The following AGMO variants were observed in gnomAD, a reference collection of about 807,000 sequenced individuals.
AGMO encodes glyceryl-ether monooxygenase.
In AGMO, 75 loss-of-function variants were observed where a neutral mutation model predicts 60.2. That is an observed-to-expected ratio of 1.25 (90% CI 1.03 to 1.51). AGMO has a LOEUF of 1.51. AGMO is among the 40% of genes most tolerant of loss of function. The pLI is 0.00. For missense variants in AGMO, 763 were observed against 525.5 expected, an observed-to-expected ratio of 1.45 and a Z score of -4.42; for synonymous variants, 261 against 177.1, an observed-to-expected ratio of 1.47 and a Z score of -3.76.
intron 3 of AGMO, among the ~76,000 whole-genome samples, chr7:15,507,558 G>A (rs1305604076): frequency 2.0e-5 from 3 of 151,964 alleles, no homozygotes; most frequent in Non-Finnish European, 4.4e-5. Context: ...ACAAGGAAAT[G>A]GAAATGGAAC....
At chr7:15,220,775 G>A (rs900910122) in intron 12 of AGMO, among the ~76,000 whole-genome samples, 2 of 151,884 alleles carry the variant, frequency 1.3e-5, no homozygotes, top group East Asian at 1.9e-4. Context: ...AACAACATAT[G>A]CTATTATTAT....
intron 3 of AGMO, among the ~76,000 whole-genome samples, chr7:15,432,379 T>TATATATAGATATATATATATATAC (rs373845365): frequency 1.5e-5 from 2 of 136,194 alleles, no homozygotes; most frequent in East Asian, 4.2e-4. Context: ...CATATATATA[T>TATATATAGATATATATATATATAC]ACACTATCTG....
chr7:15,242,149 G>A (rs1342247835), intron 12 of AGMO, among the ~76,000 whole-genome samples: 1 of 152,024 alleles, frequency 6.6e-6, no homozygotes, highest in Non-Finnish European at 1.5e-5. Context: ...TTTATCAGTA[G>A]CCTTAGTTTC....
chr7:15,429,044 C>T (rs1313609166), intron 4 of AGMO, among the ~76,000 whole-genome samples: 3 of 152,076 alleles, frequency 2.0e-5, no homozygotes, highest in Non-Finnish European at 4.4e-5. Flanking sequence ...GCTCTGAAGC[C>T]TTAATCCAGT....
chr7:15,227,863 T>TTC (rs1469045747), intron 12 of AGMO, among the ~76,000 whole-genome samples: 12 of 152,236 alleles, frequency 7.9e-5, no homozygotes, highest in Middle Eastern at 3.4e-3. Context: ...TGAACTGGAC[T>TTC]TCTGCCTCTT....
At chr7:15,179,349 C>A in the AGMO span, among the ~76,000 whole-genome samples, 1 of 152,114 alleles carries the variant, frequency 6.6e-6, no homozygotes, top group Non-Finnish European at 1.5e-5. Context: ...CCTGTGAAAT[C>A]AAACAAATTA....
intron 12 of AGMO, among the ~76,000 whole-genome samples, chr7:15,319,094 C>T (rs1197668423): frequency 1.3e-5 from 2 of 151,948 alleles, no homozygotes; most frequent in African/African-American, 4.8e-5. Context: ...TTTGTTCTAC[C>T]TTTGTCTTAT....
chr7:15,255,133 C>CCA (rs1057373520), intron 12 of AGMO, among the ~76,000 whole-genome samples: 1 of 151,994 alleles, frequency 6.6e-6, no homozygotes, highest in African/African-American at 2.4e-5. Flanking sequence ...CTGCATGTTC[C>CCA]CACTCATAAG....
chr7:15,392,986 A>C (rs909979521), intron 6 of AGMO, among the ~76,000 whole-genome samples: 7 of 152,268 alleles, frequency 4.6e-5, no homozygotes, highest in Admixed American at 3.3e-4. Context: ...GGTTTATGGA[A>C]TATAGTACCG....
intron 12 of AGMO, among the ~76,000 whole-genome samples, chr7:15,318,118 GC>G (rs1331526862): frequency 1.3e-5 from 2 of 150,440 alleles, no homozygotes; most frequent in Admixed American, 1.3e-4. Flanking sequence ...CAATTCTCTT[GC>G]CTCAGCCTCC....
At chr7:15,153,606 C>T in the AGMO span, among the ~76,000 whole-genome samples, 4 of 152,108 alleles carry the variant, frequency 2.6e-5, no homozygotes, top group African/African-American at 9.7e-5. Context: ...GGTGTCCTTT[C>T]CCCATTTTAT....
intron 12 of AGMO, among the ~76,000 whole-genome samples, chr7:15,220,443 T>G (rs1325136758): frequency 6.6e-6 from 1 of 151,578 alleles, no homozygotes; most frequent in African/African-American, 2.4e-5. Flanking sequence ...GATCTCGAAC[T>G]CTGAGCTCAG....
intron 12 of AGMO, among the ~76,000 whole-genome samples, chr7:15,289,638 T>C (rs1784199763): frequency 6.6e-6 from 1 of 152,020 alleles, no homozygotes; most frequent in South Asian, 2.1e-4. Flanking sequence ...AGTTTATCTA[T>C]GGAATATTCA....
chr7:15,416,940 T>C (rs1780790128), intron 5 of AGMO, among the ~76,000 whole-genome samples: 1 of 152,208 alleles, frequency 6.6e-6, no homozygotes. Flanking sequence ...TGTCTTTCTC[T>C]CCAGAAGCAG....
intron 3 of AGMO, among the ~76,000 whole-genome samples, chr7:15,507,715 A>G (rs1783555353): frequency 6.6e-6 from 1 of 152,172 alleles, no homozygotes; most frequent in African/African-American, 2.4e-5. Context: ...AGTTGATGAT[A>G]TTAAGAAATG....
At chr7:15,238,371 C>A (rs1179155791) in intron 12 of AGMO, among the ~76,000 whole-genome samples, 4 of 151,524 alleles carry the variant, frequency 2.6e-5, no homozygotes, top group Non-Finnish European at 5.9e-5. Flanking sequence ...TTATAGTTAA[C>A]AATAATTTAT....
At chr7:15,430,918 GT>G (rs71004378) in intron 4 of AGMO, 86 bp downstream of exon 4, 13,142 of 393,438 alleles carry the variant, frequency 0.033, 86 homozygotes, top group African/African-American at 0.059. Flanking sequence ...CCTTCTATTA[GT>G]TTTTTTTTTT....
At chr7:15,204,655 C>T (rs1230642711) in intron 12 of AGMO, among the ~76,000 whole-genome samples, 1 of 152,176 alleles carries the variant, frequency 6.6e-6, no homozygotes, top group Non-Finnish European at 1.5e-5. Context: ...TGGTCCTTGT[C>T]TTCAGGCTAT....
intron 12 of AGMO, among the ~76,000 whole-genome samples, chr7:15,356,268 G>C (rs919386213): frequency 6.6e-6 from 1 of 151,736 alleles, no homozygotes; most frequent in African/African-American, 2.4e-5. Context: ...TTTTATTGCA[G>C]CATTGCAATA....
Sources: allele counts gnomAD v4.1 joint callset (sites outside exome capture counted in the v4.1 genomes callset), GRCh38; gene constraint gnomAD v4.1.1; transcripts MANE v1.5; gene names NCBI Gene and HGNC (gene_info 2026-07-23, HGNC 2026-07-21).